The following ASIC2 variants were observed in gnomAD, a reference collection of about 807,000 sequenced individuals.
ASIC2 encodes acid sensing ion channel subunit 2.
In ASIC2, 25 loss-of-function variants were observed where a neutral mutation model predicts 57.3. The ratio of observed to expected loss-of-function variants is 0.44; its 90% CI spans 0.32 to 0.61. ASIC2 has a LOEUF of 0.61. ASIC2 is among the 20% of genes least tolerant of loss of function. The pLI, the probability that ASIC2 is intolerant of heterozygous loss-of-function variation, is 0.06. For missense variants in ASIC2, 641 were observed against 738.1 expected (o/e 0.87, Z 1.52); for synonymous variants, 319 against 307.5 (o/e 1.04, Z -0.39).
At chr17:34,079,464 A>T (rs1447229245) in intron 1 of ASIC2, among the ~76,000 whole-genome samples, 1 of 152,048 alleles carries the variant, frequency 6.6e-6, no homozygotes, top group East Asian at 1.9e-4. Flanking sequence ...AGGCTTCTCA[A>T]CCTCCCAGGT....
At chr17:33,206,723 AG>A (rs1430602528) in intron 1 of ASIC2, among the ~76,000 whole-genome samples, 3 of 152,188 alleles carry the variant, frequency 2.0e-5, no homozygotes, top group Non-Finnish European at 4.4e-5. Flanking sequence ...AAGTGGCTAC[AG>A]GGTGAAGTTC....
At chr17:33,389,363 A>G (rs1909809760) in intron 1 of ASIC2, among the ~76,000 whole-genome samples, 1 of 152,212 alleles carries the variant, frequency 6.6e-6, no homozygotes, top group African/African-American at 2.4e-5. Context: ...TTAACTGCAA[A>G]GGAGGCTGAG....
At chr17:33,783,946 G>A (rs1312764980) in intron 1 of ASIC2, among the ~76,000 whole-genome samples, 1 of 152,236 alleles carries the variant, frequency 6.6e-6, no homozygotes. Flanking sequence ...CTCCAGAGAT[G>A]CCCTTGGCAG....
At chr17:34,083,031 T>TA (rs1317322468) in intron 1 of ASIC2, among the ~76,000 whole-genome samples, 1 of 149,498 alleles carries the variant, frequency 6.7e-6, no homozygotes, top group East Asian at 2.0e-4. Context: ...ATTTTTTTTT[T>TA]ATCATTATAC....
chr17:34,143,365 G>C (rs1912325055), intron 1 of ASIC2, among the ~76,000 whole-genome samples: 1 of 152,162 alleles, frequency 6.6e-6, no homozygotes, highest in Admixed American at 6.5e-5. Context: ...GTTGAAGCTT[G>C]GTCCCAAATG....
At chr17:33,470,890 T>C (rs767236903) in intron 1 of ASIC2, among the ~76,000 whole-genome samples, 4 of 141,544 alleles carry the variant, frequency 2.8e-5, no homozygotes, top group Admixed American at 6.9e-5. Context: ...ATGTTTCTGT[T>C]TCTACATCAA....
At chr17:33,845,071 A>G (rs903704683) in intron 1 of ASIC2, among the ~76,000 whole-genome samples, 1 of 152,244 alleles carries the variant, frequency 6.6e-6, no homozygotes, top group Non-Finnish European at 1.5e-5. Context: ...GGGGGAAGCT[A>G]GGTTCAGGAG....
At chr17:33,719,932 G>A (rs1397231584) in intron 1 of ASIC2, among the ~76,000 whole-genome samples, 2 of 152,234 alleles carry the variant, frequency 1.3e-5, no homozygotes, top group Non-Finnish European at 2.9e-5. Flanking sequence ...CCAGGCTGGA[G>A]TGTAGTGGTG....
At chr17:33,677,672 T>G (rs939951975) in intron 1 of ASIC2, among the ~76,000 whole-genome samples, 5 of 151,954 alleles carry the variant, frequency 3.3e-5, no homozygotes, top group Non-Finnish European at 7.4e-5. Flanking sequence ...GCAGATGGGG[T>G]GGAAGTGACA....
intron 1 of ASIC2, chr17:34,118,357 TTTTC>T (rs1313688390): frequency 6.6e-6 from 1 of 152,152 alleles, no homozygotes; most frequent in African/African-American, 2.4e-5. Flanking sequence ...TGTTTTTTCT[TTTTC>T]TTTATTTTCT....
intron 1 of ASIC2, among the ~76,000 whole-genome samples, chr17:33,499,347 T>G (rs73983917): frequency 0.011 from 1,627 of 152,324 alleles, 27 homozygotes; most frequent in African/African-American, 0.037. Flanking sequence ...GTGACTTTAT[T>G]TGGAAATAGG....
intron 3 of ASIC2, among the ~76,000 whole-genome samples, chr17:33,063,822 C>A (rs1448311118): frequency 6.6e-6 from 1 of 151,926 alleles, no homozygotes; most frequent in African/African-American, 2.4e-5. Context: ...TTGGTCTTTT[C>A]ACATAGTCCC....
intron 1 of ASIC2, among the ~76,000 whole-genome samples, chr17:33,722,274 C>A (rs575032073): frequency 1.3e-5 from 2 of 152,316 alleles, no homozygotes; most frequent in Admixed American, 6.5e-5. Context: ...CTTGGCTCCT[C>A]ATTTGCTTTC....
intron 1 of ASIC2, among the ~76,000 whole-genome samples, chr17:33,990,542 A>G (rs1309691161): frequency 1.3e-5 from 2 of 152,176 alleles, no homozygotes; most frequent in African/African-American, 4.8e-5. Context: ...CTGAAGATAA[A>G]TGTTAAGTTA....
chr17:33,577,084 T>C (rs555798133), intron 1 of ASIC2, among the ~76,000 whole-genome samples: 14 of 152,298 alleles, frequency 9.2e-5, no homozygotes, highest in African/African-American at 3.1e-4. Flanking sequence ...TTCCTTCTTA[T>C]ACCTTCCTCT....
intron 1 of ASIC2, among the ~76,000 whole-genome samples, chr17:33,113,383 T>C (rs113053359): frequency 1.4e-4 from 22 of 152,358 alleles, no homozygotes; most frequent in African/African-American, 3.8e-4. Flanking sequence ...ATGATGATTA[T>C]ATAACTGCTT....
chr17:33,322,067 C>T (rs1906893812), intron 1 of ASIC2, among the ~76,000 whole-genome samples: 1 of 152,182 alleles, frequency 6.6e-6, no homozygotes, highest in Middle Eastern at 3.2e-3. Context: ...TGACACATAA[C>T]AGTGGTGGAA....
At chr17:33,395,621 C>T (rs1474038447) in intron 1 of ASIC2, among the ~76,000 whole-genome samples, 1 of 152,204 alleles carries the variant, frequency 6.6e-6, no homozygotes, top group Non-Finnish European at 1.5e-5. Context: ...TCCATCCAGT[C>T]ACTCCTCATT....
At chr17:34,086,614 G>A (rs1038594893) in intron 1 of ASIC2, among the ~76,000 whole-genome samples, 3 of 152,290 alleles carry the variant, frequency 2.0e-5, no homozygotes, top group Admixed American at 2.0e-4. Flanking sequence ...GTGTCTCACT[G>A]ATCTGTCTAA....
Sources: allele counts gnomAD v4.1 joint callset (sites outside exome capture counted in the v4.1 genomes callset), GRCh38; gene constraint gnomAD v4.1.1; transcripts MANE v1.5; gene names NCBI Gene and HGNC (gene_info 2026-07-23, HGNC 2026-07-21).